The following ANKRD55 variants were observed in gnomAD, a reference collection of about 807,000 sequenced individuals.
The protein encoded by ANKRD55 is ankyrin repeat domain 55, also known as ankyrin repeat domain-containing protein 55.
Under a neutral mutation model 60.6 loss-of-function variants are expected in ANKRD55, and 41 were observed. That is an observed-to-expected ratio of 0.68 (90% CI 0.53 to 0.88). The LOEUF is 0.88. Among genes scored for constraint, ANKRD55 ranks in the 40% least tolerant of loss-of-function variants. The pLI is 0.00. For synonymous variants in ANKRD55, 264 were observed against 290.3 expected (o/e 0.91, Z 0.92); for missense variants, 732 against 767.6 (o/e 0.95, Z 0.55).
chr5:56,228,511 C>T (rs1016543788), intron 2 of ANKRD55, among the ~76,000 whole-genome samples: 5 of 151,804 alleles, frequency 3.3e-5, no homozygotes, highest in South Asian at 2.1e-4. Context: ...CTGCAACCTC[C>T]GCCTCCTGAG....
At chr5:56,134,743 C>G (rs1757513209) in intron 7 of ANKRD55, among the ~76,000 whole-genome samples, 1 of 152,002 alleles carries the variant, frequency 6.6e-6, no homozygotes, top group Non-Finnish European at 1.5e-5. Context: ...AGGGAACTTC[C>G]TAACTCATTC....
At chr5:56,182,260 A>G (rs1758865437) in intron 3 of ANKRD55, among the ~76,000 whole-genome samples, 1 of 152,104 alleles carries the variant, frequency 6.6e-6, no homozygotes, top group African/African-American at 2.4e-5. Context: ...TTATGAAGTC[A>G]ATTTCCTAAT....
At chr5:56,129,180 GGGA>G (rs1476578592) in intron 7 of ANKRD55, among the ~76,000 whole-genome samples, 2 of 152,170 alleles carry the variant, frequency 1.3e-5, no homozygotes, top group South Asian at 2.1e-4. Context: ...GCTTAGGCCT[GGGA>G]GGTAGGGAAA....
At chr5:56,106,009 C>G (rs1756453183) in intron 10 of ANKRD55, among the ~76,000 whole-genome samples, 1 of 152,222 alleles carries the variant, frequency 6.6e-6, no homozygotes, top group East Asian at 1.9e-4. Flanking sequence ...TTCCAAGTCT[C>G]TAGGATAAGT....
chr5:56,225,865 C>G (rs562015432), intron 2 of ANKRD55, among the ~76,000 whole-genome samples: 3 of 152,298 alleles, frequency 2.0e-5, no homozygotes, highest in African/African-American at 7.2e-5. Flanking sequence ...ACATTCCATG[C>G]TCATGGATAG....
intron 5 of ANKRD55, among the ~76,000 whole-genome samples, chr5:56,166,113 T>TCTTC (rs1561277668): frequency 3.8e-5 from 3 of 79,554 alleles, no homozygotes; most frequent in African/African-American, 1.8e-4. Context: ...TTTCTTTCTT[T>TCTTC]CTTTCTTTCT....
intron 2 of ANKRD55, among the ~76,000 whole-genome samples, chr5:56,224,026 G>C (rs1040967056): frequency 6.6e-6 from 1 of 152,154 alleles, no homozygotes; most frequent in Non-Finnish European, 1.5e-5. Flanking sequence ...CAAATCAACA[G>C]AATATACATT....
Position 56,129,186 on chromosome 5 carries a change from T to C in ANKRD55, c.613-2080A>G, listed in dbSNP as rs184826943. 1.8e-3 allele frequency among the ~76,000 whole-genome samples: 275 copies of C among 151,850 alleles called. 1 individual carries two copies. The highest frequency in any genetic ancestry group is 4.9e-3 in the African/African-American group (203 of 41,400). ...CAAAAATATGCTTAGGCCTGGGAGG[T>C]AGGGAAAGTCACAGAGACCAGGAGA... On this transcript the variant is annotated intron_variant, in intron 7 of 11. Transcript: ENST00000341048.
At chr5:56,110,923 G>A (rs1208177043) in intron 10 of ANKRD55, 195 bp downstream of exon 10, 3 of 622,088 alleles carry the variant, frequency 4.8e-6, no homozygotes, top group Non-Finnish European at 8.3e-6. Context: ...TACTTGAAGA[G>A]GGGAGAAGCA....
At chr5:56,158,176 G>C (rs1188796585) in intron 6 of ANKRD55, among the ~76,000 whole-genome samples, 1 of 146,214 alleles carries the variant, frequency 6.8e-6, no homozygotes, top group African/African-American at 2.4e-5. Context: ...GTAAGAATCT[G>C]TCTATTTAAA....
intron 2 of ANKRD55, among the ~76,000 whole-genome samples, chr5:56,189,918 C>T (rs1759053946): frequency 6.6e-6 from 1 of 152,172 alleles, no homozygotes; most frequent in Non-Finnish European, 1.5e-5. Flanking sequence ...CAAACGGCTG[C>T]ACCATTTTGT....
At chr5:56,226,787 G>A (rs1463714903) in intron 2 of ANKRD55, among the ~76,000 whole-genome samples, 1 of 152,174 alleles carries the variant, frequency 6.6e-6, no homozygotes, top group Non-Finnish European at 1.5e-5. Context: ...ACCACAATGA[G>A]ATACCATCTC....
At chr5:56,202,166 G>A (rs192909522) in intron 2 of ANKRD55, among the ~76,000 whole-genome samples, 163 of 152,182 alleles carry the variant, frequency 1.1e-3, no homozygotes, top group African/African-American at 3.5e-3. Context: ...TGGGGAGAGG[G>A]GGAGCATCAG....
intron 3 of ANKRD55, among the ~76,000 whole-genome samples, chr5:56,179,069 T>C (rs974706716): frequency 1.3e-5 from 2 of 152,130 alleles, no homozygotes; most frequent in African/African-American, 4.8e-5. Context: ...AAATTTCACA[T>C]TGATGAACAA....
At chr5:56,222,757 T>C (rs1305397402) in intron 2 of ANKRD55, among the ~76,000 whole-genome samples, 1 of 152,148 alleles carries the variant, frequency 6.6e-6, no homozygotes, top group Non-Finnish European at 1.5e-5. Context: ...GTATCAGTGA[T>C]TGAAGATCAA....
chr5:56,213,773 G>A (rs1187079090), intron 2 of ANKRD55, among the ~76,000 whole-genome samples: 5 of 152,222 alleles, frequency 3.3e-5, no homozygotes, highest in Non-Finnish European at 5.9e-5. Flanking sequence ...GGCAGGGAAA[G>A]CAGAAGCACT....
chr5:56,196,328 G>T (rs1759227591), intron 2 of ANKRD55, among the ~76,000 whole-genome samples: 1 of 152,158 alleles, frequency 6.6e-6, no homozygotes, highest in South Asian at 2.1e-4. Context: ...TGTAGCTATT[G>T]CATTTAAGTG....
At chr5:56,142,341 A>G (rs1423433200) in intron 7 of ANKRD55, among the ~76,000 whole-genome samples, 1 of 152,120 alleles carries the variant, frequency 6.6e-6, no homozygotes, top group Admixed American at 6.5e-5. Context: ...TTCAGAAAAC[A>G]AAACAAAACT....
chr5:56,151,284 T>C (rs979437234), intron 6 of ANKRD55, among the ~76,000 whole-genome samples: 3 of 152,224 alleles, frequency 2.0e-5, no homozygotes, highest in Non-Finnish European at 2.9e-5. Context: ...AAAATTCTAA[T>C]TGGTATAAAA....
Sources: gnomAD v4.1 joint callset for allele counts (sites outside exome capture counted in the v4.1 genomes callset) on GRCh38, gnomAD v4.1.1 for gene constraint, MANE v1.5 for transcripts, NCBI Gene and HGNC (gene_info 2026-07-23, HGNC 2026-07-21) for gene names.